ODF2: variants seen among roughly 807,000 people sequenced by gnomAD.
The protein encoded by ODF2 is outer dense fiber protein 2.
ODF2 carries 47 observed loss-of-function variants against 110.2 expected under a neutral mutation model. The observed-to-expected ratio is 0.43, with a 90% CI of 0.34 to 0.54. The LOEUF (loss-of-function observed/expected upper bound fraction) is 0.54, where lower values mean the gene tolerates loss of function less well. ODF2 is among the 20% of genes least tolerant of loss of function. The probability of loss-of-function intolerance (pLI) is 0.03; values close to 1 mark genes in which losing one functional copy is unlikely to be tolerated. For synonymous variants in ODF2, 352 were observed against 397.7 expected (o/e 0.89, Z 1.37); for missense variants, 812 against 1,054.5 (o/e 0.77, Z 3.19).
Position 128,492,117 on chromosome 9 carries a change from G to A in ODF2, c.1537-309G>A, listed in dbSNP as rs549328155. 1.9e-4 allele frequency among the ~76,000 whole-genome samples: 29 copies of A among 151,888 alleles called. No individual in the cohort carries two copies. The South Asian group carries it at 4.8e-3, about 25-fold the overall frequency. ...CCTAACCTTGTGATCCGCCCACCTC[G>A]GCCTCCCAAAGTGCTGGGATTATAG... is the stretch of plus-strand genomic sequence containing the variant. On this transcript the variant is annotated intron_variant, in intron 14 of 20. Coordinates refer to ENST00000604420, the Ensembl canonical transcript of ODF2.
At chr9:128,475,010 T>C (rs192531563) in intron 8 of ODF2, among the ~76,000 whole-genome samples, 88 of 152,230 alleles carry the variant, frequency 5.8e-4, no homozygotes, top group African/African-American at 2.0e-3. Context: ...GCAAATATAG[T>C]CGACCCTCTG....
In ODF2 at chr9:128,471,966, T is replaced by C. The variant is rs556390513; in HGVS notation, c.581+498T>C. Among the ~76,000 whole-genome samples the C allele has an allele frequency of 3.0e-4, 45 of 152,184 alleles. 1 individual carries two copies. Among genetic ancestry groups the C allele is most frequent in the African/African-American group, 1.1e-3 (44 of 41,526 alleles). On this transcript the variant is annotated intron_variant, in intron 6 of 20. Coordinates refer to ENST00000604420, the Ensembl canonical transcript of ODF2. Reference sequence around the variant, plus strand: ...TTGCATTGAGGGCATTTGGAAGCCATGGAAAGGATTTATTTTATTTAATTA... The same window carrying C: ...TTGCATTGAGGGCATTTGGAAGCCACGGAAAGGATTTATTTTATTTAATTA...
intron 2 of ODF2, among the ~76,000 whole-genome samples, chr9:128,458,893 G>A (rs1253844516): frequency 2.6e-5 from 4 of 152,062 alleles, no homozygotes; most frequent in Non-Finnish European, 5.9e-5. Flanking sequence ...CACCTAGGCT[G>A]GAGTGCAGTG....
intron 14 of ODF2, among the ~76,000 whole-genome samples, chr9:128,490,400 AGCCTCCC>A (rs1438439485): frequency 1.3e-5 from 2 of 151,896 alleles, no homozygotes; most frequent in African/African-American, 2.4e-5. Flanking sequence ...CTCCTGCCTC[AGCCTCCC>A]AAGTAGCTGG....
At chr9:128,456,843 C>T (rs940807975) in intron 1 of ODF2, 5 of 1,313,648 alleles carry the variant, frequency 3.8e-6, no homozygotes, top group South Asian at 3.8e-5. Flanking sequence ...GCGGGGCGCC[C>T]GGGGCCCGTG....
intron 5 of ODF2, 102 bp from the exon 6 acceptor site, chr9:128,471,206 G>A (rs1006915861): frequency 1.4e-5 from 17 of 1,246,240 alleles, no homozygotes; most frequent in Middle Eastern, 2.6e-4. Flanking sequence ...GAGCCACCAC[G>A]CCCGGCCGGG....
intron 4 of ODF2, among the ~76,000 whole-genome samples, chr9:128,468,023 A>T (rs894585287): frequency 2.0e-5 from 3 of 152,118 alleles, no homozygotes; most frequent in Non-Finnish European, 2.9e-5. Context: ...TGACGTATTT[A>T]AAAAGTATTG....
chr9:128,487,234 G>A (rs1843542811), intron 13 of ODF2, among the ~76,000 whole-genome samples: 1 of 152,144 alleles, frequency 6.6e-6, no homozygotes, highest in Non-Finnish European at 1.5e-5. Context: ...GGTGTGAGCT[G>A]CCACACCCAG....
chr9:128,493,162 G>A (rs943987286), intron 16 of ODF2, among the ~76,000 whole-genome samples: 1 of 151,908 alleles, frequency 6.6e-6, no homozygotes, highest in African/African-American at 2.4e-5. Flanking sequence ...AGGCAGGCAG[G>A]TCAACTGAGG....
At chr9:128,456,565 T>C in intron 1 of ODF2, 1 of 1,526,952 alleles carries the variant, frequency 6.5e-7, no homozygotes, top group South Asian at 1.2e-5. Context: ...ACCGGTACCC[T>C]CCTGCCTGCT....
rs541569450 is a variant in ODF2 at position 128,494,439 on chromosome 9, G to A, written c.1753-71G>A. On this transcript the variant is annotated intron_variant, in intron 16 of 20. Coordinates refer to ENST00000604420, the Ensembl canonical transcript of ODF2. This position sits in a 1 kb window ranked among gnomAD's most constrained non-coding sequence, Gnocchi z 4.6. The stretch of plus-strand genomic sequence containing the variant: ...CCCTAACTCTAAAGGACTCTGCCTG[G>A]CTCCACTAGGAGCCAGGTCTTTCCT... The A allele has an allele frequency of 1.1e-4, 153 of 1,434,012 alleles. No individual in the cohort carries two copies. The highest frequency in any genetic ancestry group is 1.4e-4 in the Non-Finnish European group (148 of 1,024,810). The allele number at this position is 1,434,012 out of a possible 1,614,324, so 88.8% of individuals were successfully genotyped here.
At position 128,459,528 on chromosome 9, in the gene ODF2, GT is replaced by G. The variant is rs769670915; in HGVS notation, c.33-35del. 3 of 1,515,120 alleles carry G rather than the reference GT, an allele frequency of 2.0e-6. No individual in the cohort carries two copies. In the African/African-American group the frequency reaches 4.1e-5, roughly 21 times the overall value. 93.9% of individuals were successfully genotyped at this position (1,515,120 alleles called of 1,614,324 possible). A position where few individuals can be genotyped will look rare whatever the true frequency, so the allele number is the denominator to read the frequency against. On this transcript the variant is annotated intron_variant, in intron 2 of 20. Transcript: ENST00000604420. ...AGATCTGAAATATAAGATTGCCCTA[GT>G]TTTCTGCTTACAATCTGGTTCTTGT...
exon 19 of ODF2, chr9:128,498,535 C>G (rs1297181202): frequency 6.2e-7 from 1 of 1,611,052 alleles, no homozygotes; most frequent in East Asian, 2.2e-5. Context: ...GGGACCCTGG[C>G]AAGGCAGTTG....
chr9:128,473,879 A>G (rs916982836), intron 8 of ODF2, 138 bp downstream of exon 8: 5 of 760,406 alleles, frequency 6.6e-6, no homozygotes, highest in Admixed American at 5.7e-5. Context: ...AATTGTTCAC[A>G]TGAAGTGCTC....
intron 8 of ODF2, among the ~76,000 whole-genome samples, chr9:128,477,601 A>T (rs1270476361): frequency 6.6e-6 from 1 of 150,928 alleles, no homozygotes; most frequent in East Asian, 1.9e-4. Context: ...CTCACTGCCC[A>T]GCTTTTTTTT....
rs954773138 is a variant in ODF2, at chr9:128,457,100, C to T, written c.-208-98C>T. On this transcript the variant is annotated intron_variant, in intron 1 of 20. Transcript: ENST00000604420. The stretch of plus-strand genomic sequence containing the variant: ...CAGTCCTCCGCGTGGGACCCGGGCG[C>T]GGTGGTCCTTTCCCTCGCGGTTCTG... 2.9e-6 allele frequency: 4 copies of T among 1,382,828 alleles called. No individual in the cohort carries two copies. The South Asian group carries it at 3.9e-5, about 13-fold the overall frequency. The allele number at this position is 1,382,828 out of a possible 1,614,324, so 85.7% of individuals were successfully genotyped here.
chr9:128,496,436 T>C, intron 18 of ODF2: 1 of 946,484 alleles, frequency 1.1e-6, no homozygotes, highest in South Asian at 1.6e-5. Flanking sequence ...GAGGGCCCAG[T>C]TTGAATGGAG....
chr9:128,475,580 A>G (rs1188051687), intron 8 of ODF2, among the ~76,000 whole-genome samples: 2 of 152,072 alleles, frequency 1.3e-5, no homozygotes, highest in Non-Finnish European at 2.9e-5. Context: ...TCCTTGACCA[A>G]TATTTCCCCA....
intron 16 of ODF2, 73 bp downstream of exon 16, chr9:128,492,878 C>T (rs1588978127): frequency 2.3e-6 from 3 of 1,330,364 alleles, no homozygotes; most frequent in East Asian, 4.8e-5. Context: ...AGTCTGTTCC[C>T]CTTGTTTGCC....
Sources: gnomAD v4.1 joint callset for allele counts (sites outside exome capture counted in the v4.1 genomes callset) on GRCh38, gnomAD v4.1.1 for gene constraint, Gnocchi (gnomAD v3.1) non-coding constraint, MANE v1.5 for transcripts, NCBI Gene and HGNC (gene_info 2026-07-23, HGNC 2026-07-21) for gene names.